The following SLC36A1 variants were observed in gnomAD, a reference collection of about 807,000 sequenced individuals.
SLC36A1 encodes solute carrier family 36 member 1.
In SLC36A1, 30 loss-of-function variants were observed where a neutral mutation model predicts 47.5. The observed-to-expected ratio is 0.63, with a 90% CI of 0.47 to 0.86. The LOEUF (loss-of-function observed/expected upper bound fraction) is 0.86, where lower values mean the gene tolerates loss of function less well. Ranked by LOEUF, SLC36A1 falls within the 40% of genes least tolerant of loss-of-function variation. The pLI is 0.00. For missense variants in SLC36A1, 517 were observed against 606.0 expected (o/e 0.85, Z 1.54); for synonymous variants, 255 against 249.7 (o/e 1.02, Z -0.20).
At chr5:151,530,471 C>A in the SLC36A1 span, among the ~76,000 whole-genome samples, 1 of 152,156 alleles carries the variant, frequency 6.6e-6, no homozygotes, top group Non-Finnish European at 1.5e-5. Context: ...TTCTATTAGA[C>A]ACATGACTCA....
At chr5:151,363,904 A>G in the SLC36A1 span, among the ~76,000 whole-genome samples, 1 of 152,340 alleles carries the variant, frequency 6.6e-6, no homozygotes, top group Non-Finnish European at 1.5e-5. Flanking sequence ...AGAGATGATT[A>G]GTGTCACATG....
At chr5:151,539,814 C>T in the SLC36A1 span, among the ~76,000 whole-genome samples, 3 of 152,246 alleles carry the variant, frequency 2.0e-5, no homozygotes, top group Non-Finnish European at 4.4e-5. Context: ...ACACACCCCA[C>T]TCAACATTTG....
chr5:151,486,490 T>C (rs1759568334), intron 10 of SLC36A1, among the ~76,000 whole-genome samples: 1 of 152,236 alleles, frequency 6.6e-6, no homozygotes, highest in Non-Finnish European at 1.5e-5. Flanking sequence ...CATTTCAGTT[T>C]AAAGTGTTTC....
the SLC36A1 span, chr5:151,503,997 A>T: frequency 6.6e-6 from 1 of 152,076 alleles, no homozygotes; most frequent in Non-Finnish European, 1.5e-5. Context: ...AATCTCTAGG[A>T]TCCCTTCCAG....
chr5:151,458,144 A>G (rs57994525), intron 1 of SLC36A1, among the ~76,000 whole-genome samples: 65,949 of 151,456 alleles, frequency 0.44, 15,128 homozygotes, highest in East Asian at 0.82. Flanking sequence ...CACCACACCC[A>G]GCCCAGAGAG....
the SLC36A1 span, among the ~76,000 whole-genome samples, chr5:151,540,318 C>A: frequency 6.6e-6 from 1 of 152,048 alleles, no homozygotes; most frequent in Non-Finnish European, 1.5e-5. Flanking sequence ...TGATGGCCAG[C>A]CTCAGAGATG....
the SLC36A1 span, among the ~76,000 whole-genome samples, chr5:151,532,384 TACAAACAC>T: frequency 8.3e-5 from 6 of 72,396 alleles, no homozygotes; most frequent in Non-Finnish European, 1.5e-4. Context: ...AGTGTGCGTG[TACAAACAC>T]ACACACACAC....
chr5:151,437,715 T>C (rs182412856), intron 1 of SLC36A1, among the ~76,000 whole-genome samples: 22 of 152,336 alleles, frequency 1.4e-4, no homozygotes, highest in Non-Finnish European at 1.0e-4. Context: ...TAAAGCTACA[T>C]TTATTTTAGA....
chr5:151,482,883 C>G lies in SLC36A1; in HGVS notation c.1159+3394C>G, dbSNP rs184873250. 2.1e-3 allele frequency among the ~76,000 whole-genome samples: 313 copies of G among 151,862 alleles called. 4 individuals are homozygous for G. The highest frequency in any genetic ancestry group is 7.3e-3 in the African/African-American group (304 of 41,422). On this transcript the variant is annotated intron_variant, in intron 10 of 10. Coordinates refer to ENST00000243389, the MANE Select transcript of SLC36A1 (RefSeq NM_078483.4). ...CCCGTCTCTACTAAAAATACAAAAACAAAATTAGCCTGGTGTGGTGGCAGG... is the reference window on the plus strand; with the variant it reads ...CCCGTCTCTACTAAAAATACAAAAAGAAAATTAGCCTGGTGTGGTGGCAGG...
At chr5:151,477,035 A>G (rs1409586422) in intron 9 of SLC36A1, 3 of 530,552 alleles carry the variant, frequency 5.7e-6, no homozygotes, top group African/African-American at 1.9e-5. Flanking sequence ...TATCTAGTCC[A>G]TTCATGGTAA....
the SLC36A1 span, chr5:151,510,333 G>T: frequency 2.6e-6 from 2 of 763,176 alleles, no homozygotes; most frequent in Non-Finnish European, 4.1e-6. Context: ...TTGGTGCCCT[G>T]CTGAACCAAG....
chr5:151,401,978 A>C, the SLC36A1 span, among the ~76,000 whole-genome samples: 1 of 152,122 alleles, frequency 6.6e-6, no homozygotes, highest in African/African-American at 2.4e-5. Context: ...GATGCCTTTT[A>C]TTTCTTTCTC....
At chr5:151,483,473 T>C (rs567803486) in intron 10 of SLC36A1, among the ~76,000 whole-genome samples, 8 of 145,732 alleles carry the variant, frequency 5.5e-5, no homozygotes, top group Non-Finnish European at 1.2e-4. Context: ...GCATTTGTTA[T>C]ACAAATGTCT....
chr5:151,480,965 A>G (rs1435348084), intron 10 of SLC36A1, among the ~76,000 whole-genome samples: 4 of 152,112 alleles, frequency 2.6e-5, no homozygotes, highest in African/African-American at 4.8e-5. Flanking sequence ...CACCCTGCCT[A>G]TTGAGCTGGG....
chr5:151,450,147 C>T (rs1753418393), intron 1 of SLC36A1, among the ~76,000 whole-genome samples: 2 of 150,862 alleles, frequency 1.3e-5, no homozygotes, highest in Admixed American at 1.3e-4. Context: ...AGCCGATGTC[C>T]ACTTACTAGC....
At chr5:151,391,026 C>A in the SLC36A1 span, among the ~76,000 whole-genome samples, 5 of 151,928 alleles carry the variant, frequency 3.3e-5, no homozygotes, top group African/African-American at 1.2e-4. Flanking sequence ...AATATTGATT[C>A]TTCCTATCCA....
At chr5:151,474,209 TTAGTGAA>T (rs975396349) in intron 8 of SLC36A1, among the ~76,000 whole-genome samples, 30 of 147,700 alleles carry the variant, frequency 2.0e-4, no homozygotes, top group African/African-American at 7.5e-4. Flanking sequence ...CACTGGTCAG[TTAGTGAA>T]TAGTGTTTCG....
chr5:151,547,787 T>G, the SLC36A1 span, among the ~76,000 whole-genome samples: 1 of 152,208 alleles, frequency 6.6e-6, no homozygotes, highest in Non-Finnish European at 1.5e-5. Flanking sequence ...CACAAAATTG[T>G]ATATTCATTA....
the SLC36A1 span, among the ~76,000 whole-genome samples, chr5:151,358,701 C>A: frequency 6.6e-6 from 1 of 151,630 alleles, no homozygotes; most frequent in East Asian, 1.9e-4. Context: ...CGGCCGGGCG[C>A]GGTGGCTCAC....
Sources: gnomAD v4.1 joint callset for allele counts (sites outside exome capture counted in the v4.1 genomes callset) on GRCh38, gnomAD v4.1.1 for gene constraint, MANE v1.5 for transcripts, NCBI Gene and HGNC (gene_info 2026-07-23, HGNC 2026-07-21) for gene names.